The following PRKAR1A variants were observed in gnomAD, a reference collection of about 807,000 sequenced individuals.
PRKAR1A encodes cAMP-dependent protein kinase type I-alpha regulatory subunit.
PRKAR1A carries 3 observed loss-of-function variants against 52.0 expected under a neutral mutation model. That is an observed-to-expected ratio of 0.06 (90% CI 0.03 to 0.15). PRKAR1A has a LOEUF of 0.15. Among genes scored for constraint, PRKAR1A ranks in the 10% least tolerant of loss-of-function variants. The pLI is 1.00. For synonymous variants in PRKAR1A, 188 were observed against 168.4 expected (o/e 1.12, Z -0.90); for missense variants, 240 against 477.4 (o/e 0.50, Z 4.63).
chr17:68,454,566 T>G, the PRKAR1A span, among the ~76,000 whole-genome samples: 27 of 152,344 alleles, frequency 1.8e-4, no homozygotes, highest in Middle Eastern at 3.4e-3. Flanking sequence ...TTTGCAGCTG[T>G]GCACTTAGAA....
At chr17:68,510,512 G>A (rs1008992869), upstream of PRKAR1A, among the ~76,000 whole-genome samples, 38 of 152,228 alleles carry the variant, frequency 2.5e-4, no homozygotes, top group Middle Eastern at 0.01. Context: ...GTCAATTACC[G>A]GACATGGCAG....
At chr17:68,529,427 C>T (rs552990471) in intron 9 of PRKAR1A, among the ~76,000 whole-genome samples, 1 of 152,242 alleles carries the variant, frequency 6.6e-6, no homozygotes, top group East Asian at 1.9e-4. Flanking sequence ...TCTTGCTAAG[C>T]GGATCCAAGT....
At chr17:68,550,129 C>T (rs578207875) in intron 11 of PRKAR1A, among the ~76,000 whole-genome samples, 1 of 152,186 alleles carries the variant, frequency 6.6e-6, no homozygotes, top group South Asian at 2.1e-4. Flanking sequence ...ATTTGACATT[C>T]ACCCCCAACT....
At chr17:68,546,247 A>G (rs2086560365) in intron 11 of PRKAR1A, among the ~76,000 whole-genome samples, 1 of 151,124 alleles carries the variant, frequency 6.6e-6, no homozygotes, top group Non-Finnish European at 1.5e-5. Flanking sequence ...CAATTCAGTC[A>G]CATTTTCAGA....
the PRKAR1A span, among the ~76,000 whole-genome samples, chr17:68,476,535 C>G: frequency 6.6e-6 from 1 of 152,182 alleles, no homozygotes; most frequent in Non-Finnish European, 1.5e-5. Context: ...GGGGCAACCA[C>G]TGTTACCAGC....
intron 5 of PRKAR1A, 154 bp downstream of exon 5, chr17:68,524,231 T>A (rs776624926): frequency 2.1e-5 from 15 of 706,814 alleles, no homozygotes; most frequent in Non-Finnish European, 3.5e-5. Context: ...TCTTTTAAAT[T>A]AAGATTTTCT....
At chr17:68,496,818 CTTTTTTTTTTTTT>C in the PRKAR1A span, among the ~76,000 whole-genome samples, 8 of 91,240 alleles carry the variant, frequency 8.8e-5, no homozygotes, top group African/African-American at 2.9e-4. Flanking sequence ...TTAGTTTTTA[CTTTTTTTTTTTTT>C]TTTTTTTTTT....
At chr17:68,427,484 G>C in the PRKAR1A span, 1 of 326,654 alleles carries the variant, frequency 3.1e-6, no homozygotes, top group South Asian at 3.7e-5. Context: ...AGCCTCCCGA[G>C]TAGCTGCGAC....
At chr17:68,497,977 A>C in the PRKAR1A span, among the ~76,000 whole-genome samples, 1 of 152,180 alleles carries the variant, frequency 6.6e-6, no homozygotes, top group East Asian at 1.9e-4. Flanking sequence ...CAAACTACTT[A>C]AGATGGGCTC....
At chr17:68,472,917 C>A in the PRKAR1A span, among the ~76,000 whole-genome samples, 1 of 151,908 alleles carries the variant, frequency 6.6e-6, no homozygotes, top group Non-Finnish European at 1.5e-5. Context: ...TGTACAACAG[C>A]CTGGGTGACA....
At chr17:68,486,262 A>G in the PRKAR1A span, among the ~76,000 whole-genome samples, 4 of 152,044 alleles carry the variant, frequency 2.6e-5, no homozygotes, top group African/African-American at 9.7e-5. Context: ...CTTTGCAGGA[A>G]ACTGTTCTAT....
chr17:68,490,254 A>T, the PRKAR1A span, among the ~76,000 whole-genome samples: 1 of 152,200 alleles, frequency 6.6e-6, no homozygotes, highest in African/African-American at 2.4e-5. Flanking sequence ...CTTGTGGCAG[A>T]GGGGGCAAGC....
chr17:68,550,346 T>C (rs1470621341), intron 11 of PRKAR1A, among the ~76,000 whole-genome samples: 1 of 149,574 alleles, frequency 6.7e-6, no homozygotes, highest in African/African-American at 2.4e-5. Flanking sequence ...TTTTGGATCT[T>C]TCACATAGGA....
chr17:68,467,418 C>G, the PRKAR1A span, among the ~76,000 whole-genome samples: 1 of 152,198 alleles, frequency 6.6e-6, no homozygotes, highest in African/African-American at 2.4e-5. Flanking sequence ...TCCTTGCCAA[C>G]ACTTGTTATT....
the PRKAR1A span, among the ~76,000 whole-genome samples, chr17:68,470,981 C>T: frequency 3.9e-5 from 6 of 152,078 alleles, no homozygotes; most frequent in Non-Finnish European, 8.8e-5. Context: ...GAGGGAAAAA[C>T]TCAGAAACAA....
chr17:68,444,373 T>C, the PRKAR1A span: 289,100 of 836,334 alleles, frequency 0.35, 53,326 homozygotes, highest in Middle Eastern at 0.43. Flanking sequence ...GAGATAAACC[T>C]CACTAAGACT....
chr17:68,519,650 T>TA (rs1170961938), intron 2 of PRKAR1A, among the ~76,000 whole-genome samples: 2 of 152,230 alleles, frequency 1.3e-5, no homozygotes, highest in African/African-American at 4.8e-5. Context: ...GTGTTTCTGT[T>TA]ACCTTCAACT....
the PRKAR1A span, among the ~76,000 whole-genome samples, chr17:68,469,852 G>A: frequency 6.6e-5 from 10 of 152,064 alleles, no homozygotes; most frequent in Non-Finnish European, 1.3e-4. Flanking sequence ...CCCATTATAT[G>A]TTAACATTAA....
the PRKAR1A span, among the ~76,000 whole-genome samples, chr17:68,486,549 CTTTCTT>C: frequency 2.4e-5 from 3 of 126,178 alleles, no homozygotes; most frequent in Non-Finnish European, 3.3e-5. Context: ...TTCTTTCTTT[CTTTCTT>C]TCTTTCTTTC....
Sources: allele counts gnomAD v4.1 joint callset (sites outside exome capture counted in the v4.1 genomes callset), GRCh38; gene constraint gnomAD v4.1.1; transcripts MANE v1.5; gene names NCBI Gene and HGNC (gene_info 2026-07-23, HGNC 2026-07-21).